Variants in CCDC171 observed in about 807,000 individuals in gnomAD.
The protein encoded by CCDC171 is coiled-coil domain-containing protein 171.
Under a neutral mutation model 168.2 loss-of-function variants are expected in CCDC171, and 177 were observed. That is an observed-to-expected ratio of 1.05 (90% CI 0.93 to 1.19). The LOEUF (loss-of-function observed/expected upper bound fraction) is 1.19. CCDC171 is among the 50% of genes most tolerant of loss of function. The pLI is 0.00. For synonymous variants in CCDC171, 687 were observed against 540.8 expected (o/e 1.27, Z -3.75); for missense variants, 1,991 against 1,539.0 (o/e 1.29, Z -4.91).
chr9:15,681,594 A>G (rs1170396444), intron 10 of CCDC171, among the ~76,000 whole-genome samples: 1 of 151,834 alleles, frequency 6.6e-6, no homozygotes, highest in African/African-American at 2.4e-5. Flanking sequence ...CTTTTTATAA[A>G]TTACTATTCT....
chr9:15,725,440 G>C (rs947495631), intron 14 of CCDC171, among the ~76,000 whole-genome samples: 1 of 152,052 alleles, frequency 6.6e-6, no homozygotes, highest in South Asian at 2.1e-4. Context: ...CCACATCTTC[G>C]TTTCCTTATT....
At chr9:15,952,157 G>GT (rs1829263764) in intron 25 of CCDC171, among the ~76,000 whole-genome samples, 1 of 152,000 alleles carries the variant, frequency 6.6e-6, no homozygotes, top group African/African-American at 2.4e-5. Context: ...CCATTAAATG[G>GT]TGTTGACATC....
At chr9:15,797,278 G>A (rs540992739) in intron 21 of CCDC171, among the ~76,000 whole-genome samples, 24 of 152,166 alleles carry the variant, frequency 1.6e-4, no homozygotes, top group East Asian at 5.8e-4. Flanking sequence ...GTGCAGTGGC[G>A]CTATCATGGG....
chr9:15,956,527 T>C (rs1055565098), intron 25 of CCDC171, among the ~76,000 whole-genome samples: 9 of 152,222 alleles, frequency 5.9e-5, no homozygotes, highest in Non-Finnish European at 1.3e-4. Context: ...ACTTTTCCTT[T>C]TCTTTATATA....
Position 15,973,508 on chromosome 9 carries a change from T to C in CCDC171, c.*1672T>C, listed in dbSNP as rs895123479. On this transcript the variant is annotated 3_prime_UTR_variant, in exon 26 of 26. Transcript: ENST00000380701. ...GTAACACATCCTATTCTTGTAATAC[T>C]GAACCACTATAATTAGCTTTATATA... 3.3e-5 allele frequency: 5 copies of C among 152,176 alleles called. No homozygotes were observed. Among genetic ancestry groups the C allele is most frequent in the African/African-American group, 1.2e-4 (5 of 41,466 alleles). 9.4% of individuals were successfully genotyped at this position (152,176 alleles called of 1,614,324 possible).
At chr9:15,803,410 C>G (rs1488432068) in intron 21 of CCDC171, among the ~76,000 whole-genome samples, 1 of 151,506 alleles carries the variant, frequency 6.6e-6, no homozygotes, top group African/African-American at 2.4e-5. Context: ...ATATTGAAGT[C>G]TTTAATCCAT....
intron 9 of CCDC171, among the ~76,000 whole-genome samples, chr9:15,673,323 C>A (rs2049265208): frequency 6.6e-6 from 1 of 152,180 alleles, no homozygotes; most frequent in Non-Finnish European, 1.5e-5. Flanking sequence ...TTCCTCTTTT[C>A]CTAATTGAAT....
the CCDC171 span, among the ~76,000 whole-genome samples, chr9:16,091,573 G>A: frequency 1.6e-4 from 24 of 152,214 alleles, no homozygotes; most frequent in African/African-American, 2.9e-4. Context: ...CTCTCAGGTC[G>A]TGATCAGTCA....
At position 15,920,374 on chromosome 9, in the gene CCDC171, A is replaced by G. The variant is rs778789972; in HGVS notation, c.3705A>G (p.Lys1235=). 9 of 1,610,072 alleles carry G rather than the reference A, an allele frequency of 5.6e-6. No individual in the cohort carries two copies. The highest frequency in any genetic ancestry group is 5.5e-5 in the South Asian group (5 of 90,668). ...ATCGAAGTCACATTGCAGCCTTGAA[A>G]TCAGAACTTCACACAGCTTGTTTAC... is the stretch of plus-strand genomic sequence containing the variant. ...TSHRSHIAAL[K]SELHTACLRE... is the part of the protein sequence containing the mutation. Residue 1235 remains lysine, a synonymous_variant, in exon 25 of 26, where the codon AAA becomes AAG. Transcript: ENST00000380701.
chr9:15,599,330 T>G (rs949876928), intron 6 of CCDC171, among the ~76,000 whole-genome samples: 13 of 152,290 alleles, frequency 8.5e-5, no homozygotes, highest in Middle Eastern at 3.4e-3. Flanking sequence ...AGGAGCTCTT[T>G]TAGGGCAGGC....
chr9:15,561,454 G>A (rs898853093), intron 1 of CCDC171, among the ~76,000 whole-genome samples: 1 of 152,184 alleles, frequency 6.6e-6, no homozygotes, highest in African/African-American at 2.4e-5. Context: ...TGACCAAATT[G>A]TGTATTTTAA....
At chr9:15,604,184 C>T (rs2043062662) in intron 6 of CCDC171, among the ~76,000 whole-genome samples, 1 of 151,514 alleles carries the variant, frequency 6.6e-6, no homozygotes, top group African/African-American at 2.4e-5. Context: ...GAAATTTTCT[C>T]CCATTCTGTA....
chr9:15,902,439 T>C (rs1821831470), intron 24 of CCDC171, among the ~76,000 whole-genome samples: 1 of 152,194 alleles, frequency 6.6e-6, no homozygotes, highest in African/African-American at 2.4e-5. Flanking sequence ...TAGGCAAAAT[T>C]TAAATTACAA....
intron 3 of CCDC171, among the ~76,000 whole-genome samples, chr9:16,007,789 A>T (rs1030539182): frequency 6.6e-6 from 1 of 152,052 alleles, no homozygotes; most frequent in Non-Finnish European, 1.5e-5. Flanking sequence ...CCATTGGTCT[A>T]TGTCTCTGTT....
At position 15,666,184 on chromosome 9, in the gene CCDC171, G is replaced by C; in HGVS notation, c.937G>C (p.Gly313Arg). ...IIQLRIRDLE[G>R]ALQVEKASQA... ...GTAGTTACGGATTCGAGACCTTGAAGGAGCTTTGCAAGTAGAGAAGGCCAG... is the reference window on the plus strand; with the variant it reads ...GTAGTTACGGATTCGAGACCTTGAACGAGCTTTGCAAGTAGAGAAGGCCAG... Residue 313 changes from glycine to arginine, a missense_variant, in exon 9 of 26, where the codon GGA (glycine) becomes CGA (arginine). Physicochemically the swap from Gly to Arg is moderately radical, Grantham distance 125 (BLOSUM62 -2). Coordinates refer to ENST00000380701, the MANE Select transcript of CCDC171 (RefSeq NM_173550.4). 4 of 1,613,718 alleles carry C rather than the reference G, an allele frequency of 2.5e-6. No individual in the cohort carries two copies. Among genetic ancestry groups the C allele is most frequent in the Non-Finnish European group, 2.5e-6 (3 of 1,179,868 alleles).
intron 7 of CCDC171, among the ~76,000 whole-genome samples, chr9:15,633,199 A>G (rs201345608): frequency 6.6e-6 from 1 of 152,310 alleles, no homozygotes; most frequent in East Asian, 1.9e-4. Flanking sequence ...AAGAGCTCCT[A>G]CACAGCAAAA....
chr9:15,769,107 A>G (rs2056880940), intron 18 of CCDC171, among the ~76,000 whole-genome samples: 1 of 152,208 alleles, frequency 6.6e-6, no homozygotes, highest in African/African-American at 2.4e-5. Flanking sequence ...TAAACTTTAA[A>G]AGGAATTTAT....
the CCDC171 span, among the ~76,000 whole-genome samples, chr9:16,069,150 G>A: frequency 6.6e-6 from 1 of 152,162 alleles, no homozygotes; most frequent in African/African-American, 2.4e-5. Context: ...GGCGATTTAG[G>A]CCTACATGAC....
chr9:15,623,005 A>G (rs2044629803), intron 6 of CCDC171, among the ~76,000 whole-genome samples: 2 of 152,234 alleles, frequency 1.3e-5, no homozygotes, highest in African/African-American at 2.4e-5. Context: ...AGTTAAACTA[A>G]TGTAACTTTC....
Sources: allele counts gnomAD v4.1 joint callset (sites outside exome capture counted in the v4.1 genomes callset), GRCh38; gene constraint gnomAD v4.1.1; transcripts MANE v1.5; gene names NCBI Gene and HGNC (gene_info 2026-07-23, HGNC 2026-07-21).